The following TLN2 variants were observed in gnomAD, a reference collection of about 807,000 sequenced individuals.
TLN2 encodes the protein talin-2.
TLN2 carries 118 observed loss-of-function variants against 294.7 expected under a neutral mutation model. The ratio of observed to expected loss-of-function variants is 0.40; its 90% CI spans 0.34 to 0.47. The LOEUF is 0.47. TLN2 is among the 20% of genes least tolerant of loss of function. The probability of loss-of-function intolerance (pLI) is 0.84; values close to 1 mark genes in which losing one functional copy is unlikely to be tolerated. For missense variants in TLN2, 3,083 were observed against 3,282.2 expected, an observed-to-expected ratio of 0.94 and a Z score of 1.48; for synonymous variants, 1,431 against 1,304.5, an observed-to-expected ratio of 1.10 and a Z score of -2.09.
At chr15:62,839,597 A>AAGTC (rs1166245941) in intron 58 of TLN2, among the ~76,000 whole-genome samples, 1 of 152,224 alleles carries the variant, frequency 6.6e-6, no homozygotes, top group African/African-American at 2.4e-5. Flanking sequence ...AAGCTCTAGG[A>AAGTC]AGTCAGGCTT....
At chr15:62,591,744 C>T (rs1018302499) in intron 2 of TLN2, among the ~76,000 whole-genome samples, 1 of 152,106 alleles carries the variant, frequency 6.6e-6, no homozygotes, top group Non-Finnish European at 1.5e-5. Flanking sequence ...GAGACCAGTG[C>T]ATACCTTGGG....
intron 45 of TLN2, among the ~76,000 whole-genome samples, chr15:62,792,193 CTAAT>C (rs2065122953): frequency 1.3e-5 from 2 of 152,176 alleles, no homozygotes; most frequent in South Asian, 4.1e-4. Context: ...TTTTGAACCT[CTAAT>C]TACCCTCTAG....
At chr15:62,563,149 T>C (rs2043118641) in intron 1 of TLN2, among the ~76,000 whole-genome samples, 1 of 152,182 alleles carries the variant, frequency 6.6e-6, no homozygotes, top group East Asian at 1.9e-4. Flanking sequence ...GTTCTAATTT[T>C]AGTTCTTTAG....
intron 19 of TLN2, among the ~76,000 whole-genome samples, chr15:62,703,627 G>GCA (rs71131124): frequency 3.0e-3 from 352 of 116,808 alleles, no homozygotes; most frequent in East Asian, 0.013. Context: ...ACACACGCGC[G>GCA]CACACACACA....
At position 62,797,252 on chromosome 15, in the gene TLN2, A is replaced by G. The variant is rs2065557374; in HGVS notation, c.6084A>G (p.Val2028=). The G allele has an allele frequency of 6.2e-7, 1 of 1,614,050 alleles. No individual in the cohort carries two copies. Among genetic ancestry groups the G allele is most frequent in the African/African-American group, 1.3e-5 (1 of 75,036 alleles). ...ENILKTAKAL[V]EDTKLLVSGA... is the part of the protein sequence containing the mutation. ...TTCTCAAGACGGCCAAGGCCTTGGT[A>G]GAAGACACGAAACTACTTGTGTCAG... The change falls in exon 48 of 59, where the codon GTA becomes GTG. Residue 2028 remains valine, a synonymous_variant. Transcript: ENST00000636159.
At chr15:62,691,413 T>G (rs2057901418) in intron 12 of TLN2, among the ~76,000 whole-genome samples, 1 of 152,214 alleles carries the variant, frequency 6.6e-6, no homozygotes. Flanking sequence ...GGTTATTGCC[T>G]TTTTCAGTTC....
At position 62,833,662 on chromosome 15, in the gene TLN2, T is replaced by C. The variant is rs754376880; in HGVS notation, c.7128+33T>C. 5 of 1,606,770 alleles carry C rather than the reference T, an allele frequency of 3.1e-6. No homozygotes were observed. In the African/African-American group the frequency reaches 6.7e-5, roughly 22 times the overall value. On this transcript the variant is annotated intron_variant, in intron 55 of 58. Coordinates refer to ENST00000636159, the MANE Select transcript of TLN2 (RefSeq NM_015059.3). ...AAGCCGCTGACCACATGCGGGACAC[T>C]CAACGTACGAGAGCCTCAGGGGGCC... is the stretch of plus-strand genomic sequence containing the variant.
In TLN2 at chr15:62,833,337, G is replaced by C. The variant is rs555497962; in HGVS notation, c.7003-167G>C. On this transcript the variant is annotated intron_variant, in intron 54 of 58. Coordinates refer to ENST00000636159, the MANE Select transcript of TLN2 (RefSeq NM_015059.3). ...AAGAGTCCTGAAAGTTTGCACAGGG[G>C]ACCTGTCATCTGCTTCTTGTTAAGG... is the stretch of plus-strand genomic sequence containing the variant. The C allele has an allele frequency of 4.2e-5, 43 of 1,035,842 alleles. No individual in the cohort carries two copies. In the African/African-American group the frequency reaches 6.4e-4, roughly 15 times the overall value. The allele number at this position is 1,035,842 out of a possible 1,614,324, so 64.2% of individuals were successfully genotyped here.
chr15:62,441,930 G>A (rs1320894881), intron 1 of TLN2, among the ~76,000 whole-genome samples: 2 of 152,032 alleles, frequency 1.3e-5, no homozygotes, highest in African/African-American at 4.8e-5. Flanking sequence ...CTCATACCTC[G>A]CCCTAAGCAT....
chr15:62,711,660 T>C (rs2059436597), intron 21 of TLN2, among the ~76,000 whole-genome samples: 1 of 152,240 alleles, frequency 6.6e-6, no homozygotes, highest in South Asian at 2.1e-4. Context: ...TTTGGCTGCT[T>C]CTGTTCTGAT....
chr15:62,524,791 A>G (rs1015794777), intron 1 of TLN2, among the ~76,000 whole-genome samples: 3 of 152,244 alleles, frequency 2.0e-5, no homozygotes, highest in African/African-American at 7.2e-5. Flanking sequence ...TTTGAGAAAC[A>G]GTGGTAGGAT....
intron 28 of TLN2, chr15:62,733,798 GT>G (rs923901297): frequency 4.6e-5 from 7 of 152,348 alleles, no homozygotes; most frequent in African/African-American, 1.4e-4. Context: ...AAGGACTGTG[GT>G]TATTGAAACA....
At chr15:62,673,309 G>GTTTTTTTTTTT (rs1379480852) in intron 9 of TLN2, among the ~76,000 whole-genome samples, 3 of 6,232 alleles carry the variant, frequency 4.8e-4, no homozygotes, top group Admixed American at 3.8e-3. Context: ...TTTAGATGTT[G>GTTTTTTTTTTT]CTTTTTTTTT....
intron 35 of TLN2, among the ~76,000 whole-genome samples, chr15:62,752,849 A>C (rs569877068): frequency 3.3e-5 from 5 of 152,356 alleles, no homozygotes; most frequent in East Asian, 3.9e-4. Flanking sequence ...GAGACATGAT[A>C]TGGCACATTC....
At chr15:62,424,599 C>T (rs529987692) in intron 1 of TLN2, among the ~76,000 whole-genome samples, 5 of 152,322 alleles carry the variant, frequency 3.3e-5, no homozygotes, top group South Asian at 2.1e-4. Flanking sequence ...CTAGCCCCAT[C>T]GCACACAAGT....
intron 1 of TLN2, among the ~76,000 whole-genome samples, chr15:62,533,602 A>T (rs1016012102): frequency 6.6e-6 from 1 of 152,148 alleles, no homozygotes; most frequent in African/African-American, 2.4e-5. Flanking sequence ...TTCTGAGAGT[A>T]ATTGTATTTT....
intron 45 of TLN2, among the ~76,000 whole-genome samples, chr15:62,788,132 G>A (rs1310632191): frequency 2.0e-5 from 3 of 151,520 alleles, no homozygotes; most frequent in Non-Finnish European, 2.9e-5. Context: ...GCAACATGGC[G>A]AAACCCTGTC....
chr15:62,775,406 C>T (rs1449545666), intron 42 of TLN2, among the ~76,000 whole-genome samples: 2 of 152,118 alleles, frequency 1.3e-5, no homozygotes, highest in Non-Finnish European at 2.9e-5. Flanking sequence ...TGTGTTTTAC[C>T]ATGTCTGTGC....
At chr15:62,836,243 C>T (rs905708870) in intron 57 of TLN2, 170 bp downstream of exon 57, 3 of 924,916 alleles carry the variant, frequency 3.2e-6, no homozygotes, top group Admixed American at 2.3e-5. Flanking sequence ...CCACTGCTGC[C>T]CCACCACGCT....
Sources: allele counts gnomAD v4.1 joint callset (sites outside exome capture counted in the v4.1 genomes callset), GRCh38; gene constraint gnomAD v4.1.1; transcripts MANE v1.5; gene names NCBI Gene and HGNC (gene_info 2026-07-23, HGNC 2026-07-21).